The following CCNF variants were observed in gnomAD, a reference collection of about 807,000 sequenced individuals.
The protein encoded by CCNF is cyclin F.
Under a neutral mutation model 85.4 loss-of-function variants are expected in CCNF, and 30 were observed. The ratio of observed to expected loss-of-function variants is 0.35; its 90% confidence interval spans 0.26 to 0.48. The LOEUF (loss-of-function observed/expected upper bound fraction) is 0.48, where lower values mean the gene tolerates loss of function less well. CCNF is among the 20% of genes least tolerant of loss of function. The pLI is 0.99. For missense variants in CCNF, 919 were observed against 1,010.4 expected (o/e 0.91, Z 1.23); for synonymous variants, 439 against 425.1 (o/e 1.03, Z -0.40).
Position 2,452,750 on chromosome 16 carries a change from G to A in CCNF, c.1488-460G>A, listed in dbSNP as rs187876184. 1 of 176,166 alleles carries A rather than the reference G, an allele frequency of 5.7e-6. No individual in the cohort carries two copies. The highest frequency in any genetic ancestry group is 2.4e-5 in the African/African-American group (1 of 41,930). The allele number at this position is 176,166 out of a possible 1,614,324, so 10.9% of individuals were successfully genotyped here. Reference sequence around the variant, plus strand: ...CCCCAGTAGTCTACTTTCTGTCCATGGATGTTTCCCATTCTGTACATTCCA... The same window carrying A: ...CCCCAGTAGTCTACTTTCTGTCCATAGATGTTTCCCATTCTGTACATTCCA... On this transcript the variant is annotated intron_variant, in intron 13 of 16. Coordinates refer to ENST00000397066, the MANE Select transcript of CCNF (RefSeq NM_001761.3). The surrounding 1 kb of genome is among the most constrained non-coding windows in gnomAD (Gnocchi z 4.1).
Position 2,455,400 on chromosome 16 carries a change from G to A in CCNF, c.1721G>A (p.Arg574Gln), listed in dbSNP as rs369730776. The change falls in exon 16 of 17, where the codon CGG (arginine) becomes CAG (glutamine). Residue 574 changes from arginine to glutamine, a missense_variant. Arg to Gln is a conservative substitution (Grantham distance 43, BLOSUM62 1). Coordinates refer to ENST00000397066, the MANE Select transcript of CCNF (RefSeq NM_001761.3). ...GGGCTCTCTCCACCTTGCAGGAAGC[G>A]GGAGAACAGCCTCCAGGAAGACAGA... ...SPSGRRTKRK[R>Q]ENSLQEDRGS... 4.5e-5 allele frequency: 71 copies of A among 1,579,710 alleles called. No individual in the cohort carries two copies. The African/African-American group carries it at 5.7e-4, about 13-fold the overall frequency.
intron 10 of CCNF, among the ~76,000 whole-genome samples, chr16:2,446,973 A>G (rs960766165): frequency 6.6e-6 from 1 of 152,158 alleles, no homozygotes; most frequent in African/African-American, 2.4e-5. Context: ...GGAGGGAGCA[A>G]ACCCTGCCAC....
chr16:2,455,358 C>G (rs1366530596), intron 15 of CCNF, 37 bp from the exon 16 acceptor site: 3 of 1,541,766 alleles, frequency 1.9e-6, no homozygotes, highest in East Asian at 4.7e-5. Context: ...GCGCCGCCGT[C>G]CATGACTGGG....
intron 10 of CCNF, 91 bp from the exon 11 acceptor site, chr16:2,448,764 A>T: frequency 8.5e-7 from 1 of 1,182,162 alleles, no homozygotes; most frequent in Non-Finnish European, 1.2e-6. Flanking sequence ...CTCCCTCCCT[A>T]CCTTGAGGCC....
In CCNF at chr16:2,453,661, G is replaced by A. The variant is rs1317816579; in HGVS notation, c.1715+124G>A. 3 of 1,293,034 alleles carry A rather than the reference G, an allele frequency of 2.3e-6. No individual in the cohort carries two copies. The highest frequency in any genetic ancestry group is 2.5e-4 in the Middle Eastern group (1 of 4,056). The allele number at this position is 1,293,034 out of a possible 1,614,324, so 80.1% of individuals were successfully genotyped here. On this transcript the variant is annotated intron_variant, in intron 15 of 16. Coordinates refer to ENST00000397066, the MANE Select transcript of CCNF (RefSeq NM_001761.3). The surrounding 1 kb of genome is among the most constrained non-coding windows in gnomAD (Gnocchi z 5.6). ...TTGTCAGGGGAGCAGCAGATCCCAGGACAGTGACCCTGGGACGGAGCCCTG... is the reference window on the plus strand; with the variant it reads ...TTGTCAGGGGAGCAGCAGATCCCAGAACAGTGACCCTGGGACGGAGCCCTG...
intron 9 of CCNF, 31 bp from the exon 10 acceptor site, chr16:2,445,427 C>T: frequency 6.2e-7 from 1 of 1,612,536 alleles, no homozygotes; most frequent in Non-Finnish European, 8.5e-7. Flanking sequence ...AGAACGCCCC[C>T]ACCAGTTCCC....
Position 2,456,484 on chromosome 16 carries a change from A to G in CCNF, c.1886-61A>G. 1.6e-6 allele frequency: 2 copies of G among 1,225,190 alleles called. No homozygotes were observed. Among genetic ancestry groups the G allele is most frequent in the Non-Finnish European group, 2.2e-6 (2 of 893,914 alleles). The allele number at this position is 1,225,190 out of a possible 1,614,324, so 75.9% of individuals were successfully genotyped here. On this transcript the variant is annotated intron_variant, in intron 16 of 16. Coordinates refer to ENST00000397066, the MANE Select transcript of CCNF (RefSeq NM_001761.3). The surrounding 1 kb of genome is among the most constrained non-coding windows in gnomAD (Gnocchi z 4.5). The stretch of plus-strand genomic sequence containing the variant: ...CTGGACTTCAGGGTCCTGACCTGGC[A>G]GGGGGTCTCCCCTGATGCTTGGGTG...
At position 2,457,279 on chromosome 16, in the gene CCNF, CCT is replaced by C; in HGVS notation, c.*264_*265del. On this transcript the variant is annotated 3_prime_UTR_variant, in exon 17 of 17. Coordinates refer to ENST00000397066, the MANE Select transcript of CCNF (RefSeq NM_001761.3). ...AGTTGGCCACACTGTGTGGAGGGCACCTCTCTGTCCCTTCCGTGTCTCACTGT... is the reference window on the plus strand; with the variant it reads ...AGTTGGCCACACTGTGTGGAGGGCACCTCTGTCCCTTCCGTGTCTCACTGT... 2.6e-6 allele frequency: 1 copy of C among 384,634 alleles called. No individual in the cohort carries two copies. Among genetic ancestry groups the C allele is most frequent in the Non-Finnish European group, 4.7e-6 (1 of 213,016 alleles). 23.8% of individuals were successfully genotyped at this position (384,634 alleles called of 1,614,324 possible).
At chr16:2,431,023 A>C in intron 1 of CCNF, 107 bp from the exon 2 acceptor site, 1 of 1,152,200 alleles carries the variant, frequency 8.7e-7, no homozygotes, top group Non-Finnish European at 1.3e-6. Flanking sequence ...AATAGTAACC[A>C]TTAGATCATC....
Position 2,453,391 on chromosome 16 carries a change from A to G in CCNF, c.1588-19A>G. 1 of 1,613,718 alleles carries G rather than the reference A, an allele frequency of 6.2e-7. No individual in the cohort carries two copies. The highest frequency in any genetic ancestry group is 1.3e-5 in the African/African-American group (1 of 74,946). ...CACCCTCGGGGCCTCTGCACCCCCTAACTCTAGCTTCCCCTCAGGTGCTGA... is the reference window on the plus strand; with the variant it reads ...CACCCTCGGGGCCTCTGCACCCCCTGACTCTAGCTTCCCCTCAGGTGCTGA... On this transcript the variant is annotated intron_variant, in intron 14 of 16. Coordinates refer to ENST00000397066, the MANE Select transcript of CCNF (RefSeq NM_001761.3). The surrounding 1 kb of genome is among the most constrained non-coding windows in gnomAD (Gnocchi z 5.6).
Position 2,453,367 on chromosome 16 carries a change from A to G in CCNF, c.1588-43A>G, listed in dbSNP as rs188232864. On this transcript the variant is annotated intron_variant, in intron 14 of 16. Transcript: ENST00000397066. The surrounding 1 kb of genome is among the most constrained non-coding windows in gnomAD (Gnocchi z 5.6). ...GGGTGCTGGGGTGTGGGCGGGCCTCACCCTCGGGGCCTCTGCACCCCCTAA... is the reference window on the plus strand; with the variant it reads ...GGGTGCTGGGGTGTGGGCGGGCCTCGCCCTCGGGGCCTCTGCACCCCCTAA... The G allele has an allele frequency of 8.6e-4, 1,394 of 1,613,478 alleles. 17 individuals carry two copies. In the South Asian group the frequency reaches 0.013, roughly 15 times the overall value.
chr16:2,455,556 A>C lies in CCNF; in HGVS notation c.1877A>C (p.Glu626Ala), dbSNP rs775130027. The change falls in exon 16 of 17, where the codon GAG (glutamate) becomes GCG (alanine). Residue 626 changes from glutamate to alanine, a missense_variant. This residue lies in a region of CCNF where 505 missense variants were observed against 514.8 expected (regional missense o/e 0.98). Coordinates refer to ENST00000397066, the MANE Select transcript of CCNF (RefSeq NM_001761.3). The part of the protein sequence containing the change: ...EGDQESEGEK[E>A]GDVTAPSGIL... ...GACCAGGAGAGTGAGGGCGAGAAGG[A>C]GGGCGACGGTGAGTGTGGGGCCAGG... The C allele has an allele frequency of 3.8e-6, 6 of 1,594,252 alleles. No individual in the cohort carries two copies. In the African/African-American group the frequency reaches 8.0e-5, roughly 21 times the overall value.
intron 3 of CCNF, among the ~76,000 whole-genome samples, chr16:2,435,143 CGGGAGGCTGAGGCAGGAGAA>C (rs1381140203): frequency 8.6e-5 from 13 of 150,368 alleles, no homozygotes; most frequent in African/African-American, 3.2e-4. Context: ...CCCAGCTACT[CGGGAGGCTGAGGCAGGAGAA>C]TGGTGTGAAC....
At chr16:2,446,817 C>A (rs1207754108) in intron 10 of CCNF, among the ~76,000 whole-genome samples, 1 of 152,228 alleles carries the variant, frequency 6.6e-6, no homozygotes, top group Non-Finnish European at 1.5e-5. Flanking sequence ...TAGGGTGCTG[C>A]CCTTGTCCCT....
intron 1 of CCNF, 78 bp downstream of exon 1, chr16:2,429,575 C>T: frequency 8.4e-7 from 1 of 1,193,814 alleles, no homozygotes; most frequent in Non-Finnish European, 1.0e-6. Context: ...GTGGGTCCCG[C>T]GGGAGGGGAG....
Position 2,456,298 on chromosome 16 carries a change from C to T in CCNF, c.1886-247C>T. 1 of 452,738 alleles carries T rather than the reference C, an allele frequency of 2.2e-6. No individual in the cohort carries two copies. The highest frequency in any genetic ancestry group is 3.9e-6 in the Non-Finnish European group (1 of 255,844). 28.0% of individuals were successfully genotyped at this position (452,738 alleles called of 1,614,324 possible). A position where few individuals can be genotyped will look rare whatever the true frequency, so the allele number is the denominator to read the frequency against. On this transcript the variant is annotated intron_variant, in intron 16 of 16. Coordinates refer to ENST00000397066, the MANE Select transcript of CCNF (RefSeq NM_001761.3). The surrounding 1 kb of genome is among the most constrained non-coding windows in gnomAD (Gnocchi z 4.5). ...GTCCTGTCAGTTTCCCGGTTGCTTG[C>T]TTCTGCGTCCACTTGGCTTGAGCTA... is the stretch of plus-strand genomic sequence containing the variant.
intron 10 of CCNF, among the ~76,000 whole-genome samples, chr16:2,445,920 G>C (rs1330596249): frequency 6.6e-6 from 1 of 152,002 alleles, no homozygotes; most frequent in African/African-American, 2.4e-5. Flanking sequence ...AGTAGAGACG[G>C]GGTTTCATCA....
chr16:2,435,744 G>A, intron 3 of CCNF, 62 bp from the exon 4 acceptor site: 2 of 1,123,914 alleles, frequency 1.8e-6, no homozygotes, highest in Non-Finnish European at 2.7e-6. Flanking sequence ...TTCAAGTGCT[G>A]TAGTAGTTCA....
intron 2 of CCNF, among the ~76,000 whole-genome samples, chr16:2,432,603 G>A (rs1596913919): frequency 6.6e-6 from 1 of 152,124 alleles, no homozygotes; most frequent in South Asian, 2.1e-4. Flanking sequence ...GGCCTCCAGC[G>A]GGGAAGCACA....
Sources: gnomAD v4.1 joint callset for allele counts (sites outside exome capture counted in the v4.1 genomes callset) on GRCh38, gnomAD v4.1.1 for gene constraint, gnomAD v4.1.1 regional missense constraint, Gnocchi (gnomAD v3.1) non-coding constraint, MANE v1.5 for transcripts, NCBI Gene and HGNC (gene_info 2026-07-23, HGNC 2026-07-21) for gene names.